Variants in ZMYM2 observed in about 807,000 individuals in gnomAD.
ZMYM2 encodes zinc finger MYM-type protein 2.
Under a neutral mutation model 162.8 loss-of-function variants are expected in ZMYM2, and 56 were observed. The ratio of observed to expected loss-of-function variants is 0.34; its 90% CI spans 0.28 to 0.43. The LOEUF (loss-of-function observed/expected upper bound fraction) is 0.43, where lower values mean the gene tolerates loss of function less well. Among genes scored for constraint, ZMYM2 ranks in the 20% least tolerant of loss-of-function variants. ZMYM2 has a pLI of 1.00. For missense variants in ZMYM2, 1,275 were observed against 1,621.8 expected, an observed-to-expected ratio of 0.79 and a Z score of 3.67; for synonymous variants, 510 against 541.6, an observed-to-expected ratio of 0.94 and a Z score of 0.81.
chr13:19,912,558 T>C, the ZMYM2 span, among the ~76,000 whole-genome samples: 1 of 152,064 alleles, frequency 6.6e-6, no homozygotes, highest in East Asian at 1.9e-4. Flanking sequence ...GGTATTGAAC[T>C]CCTGGGCTTA....
intron 3 of ZMYM2, among the ~76,000 whole-genome samples, chr13:19,998,123 A>T (rs1594264412): frequency 6.6e-6 from 1 of 152,172 alleles, no homozygotes; most frequent in East Asian, 1.9e-4. Context: ...TTTATTTGTA[A>T]TAGAGAATAA....
At chr13:20,079,194 C>G (rs1314142607) in intron 21 of ZMYM2, among the ~76,000 whole-genome samples, 1 of 151,074 alleles carries the variant, frequency 6.6e-6, no homozygotes, top group African/African-American at 2.4e-5. Context: ...TGGCACGTGC[C>G]TGTAATCTCA....
the ZMYM2 span, among the ~76,000 whole-genome samples, chr13:19,884,404 A>C: frequency 6.6e-6 from 1 of 152,126 alleles, no homozygotes; most frequent in Non-Finnish European, 1.5e-5. Flanking sequence ...TATAACCCCC[A>C]TCTATGACTA....
chr13:19,883,407 CTTAA>C, the ZMYM2 span, among the ~76,000 whole-genome samples: 1 of 152,044 alleles, frequency 6.6e-6, no homozygotes, highest in Admixed American at 6.6e-5. Flanking sequence ...TGAATTTCAC[CTTAA>C]TTTTTTTAAA....
chr13:19,880,244 C>G, the ZMYM2 span, among the ~76,000 whole-genome samples: 4 of 152,160 alleles, frequency 2.6e-5, no homozygotes, highest in African/African-American at 7.2e-5. Context: ...CCTATTGGCT[C>G]TATTTCTCTG....
At chr13:20,049,864 A>C (rs1352185453) in intron 12 of ZMYM2, among the ~76,000 whole-genome samples, 1 of 152,022 alleles carries the variant, frequency 6.6e-6, no homozygotes, top group Non-Finnish European at 1.5e-5. Context: ...TCAGTGAATA[A>C]AGTATTAAGC....
chr13:19,906,941 G>T, the ZMYM2 span, among the ~76,000 whole-genome samples: 4 of 152,004 alleles, frequency 2.6e-5, no homozygotes, highest in Non-Finnish European at 1.5e-5. Context: ...GCCCAGGCTG[G>T]TCTCAAACTC....
chr13:20,066,588 A>AT, intron 19 of ZMYM2: 1 of 330,188 alleles, frequency 3.0e-6, no homozygotes, highest in East Asian at 4.8e-5. Flanking sequence ...GATCATCCTC[A>AT]TTGTCTTCAA....
chr13:20,086,352 A>G lies in ZMYM2; in HGVS notation c.*338A>G, dbSNP rs1367207450. 2.5e-5 allele frequency: 6 copies of G among 236,470 alleles called. No homozygotes were observed. The highest frequency in any genetic ancestry group is 3.3e-5 in the Non-Finnish European group (4 of 120,078). The allele number at this position is 236,470 out of a possible 1,614,324, so 14.6% of individuals were successfully genotyped here. A position where few individuals can be genotyped will look rare whatever the true frequency, so the allele number is the denominator to read the frequency against. ...AGAAACATCCATATTGCACAACTCT[A>G]CTGTTGCAAAGCTTCCTTGGAAGGG... On this transcript the variant is annotated 3_prime_UTR_variant, in exon 25 of 25. Coordinates refer to ENST00000610343, the MANE Select transcript of ZMYM2 (RefSeq NM_197968.4).
At chr13:19,883,837 AC>A in the ZMYM2 span, among the ~76,000 whole-genome samples, 11 of 151,662 alleles carry the variant, frequency 7.3e-5, no homozygotes, top group Non-Finnish European at 1.5e-4. Context: ...CCTCACGGCA[AC>A]CCCCACCTCC....
chr13:19,997,553 T>G (rs1360436302), intron 3 of ZMYM2, among the ~76,000 whole-genome samples: 3 of 152,150 alleles, frequency 2.0e-5, no homozygotes, highest in Non-Finnish European at 4.4e-5. Flanking sequence ...GTATGAGCAT[T>G]TTTAACTTAC....
chr13:20,011,874 G>A (rs1459718439), intron 6 of ZMYM2, among the ~76,000 whole-genome samples: 1 of 151,312 alleles, frequency 6.6e-6, no homozygotes, highest in Non-Finnish European at 1.5e-5. Context: ...TCAGCCTCCC[G>A]AGTAGCTGGG....
chr13:19,887,070 A>G, the ZMYM2 span, among the ~76,000 whole-genome samples: 1 of 151,846 alleles, frequency 6.6e-6, no homozygotes, highest in Non-Finnish European at 1.5e-5. Context: ...CTAGAGGTTT[A>G]ATCATATTAC....
chr13:19,900,729 T>A, the ZMYM2 span, among the ~76,000 whole-genome samples: 1 of 151,872 alleles, frequency 6.6e-6, no homozygotes, highest in Non-Finnish European at 1.5e-5. Context: ...ATAATAATAA[T>A]AAAATCCCAA....
the ZMYM2 span, among the ~76,000 whole-genome samples, chr13:19,870,858 C>A: frequency 6.6e-6 from 1 of 151,940 alleles, no homozygotes; most frequent in African/African-American, 2.4e-5. Context: ...GACTCCCGAC[C>A]TCAGGTGATC....
intron 10 of ZMYM2, 67 bp downstream of exon 10, chr13:20,031,502 A>G (rs1216603056): frequency 4.9e-6 from 5 of 1,010,352 alleles, no homozygotes; most frequent in Non-Finnish European, 6.9e-6. Flanking sequence ...TAAGTGTTGT[A>G]TTTCCATCTG....
intron 24 of ZMYM2, 109 bp downstream of exon 24, chr13:20,083,885 TTC>T: frequency 8.6e-6 from 10 of 1,157,748 alleles, no homozygotes; most frequent in Non-Finnish European, 1.2e-5. Flanking sequence ...CTCAGATTTC[TTC>T]TCTCTCAGTT....
the ZMYM2 span, among the ~76,000 whole-genome samples, chr13:19,867,375 T>C: frequency 6.6e-6 from 1 of 151,808 alleles, no homozygotes; most frequent in East Asian, 1.9e-4. Context: ...AAGTGTTGTC[T>C]TACAATATTC....
intron 19 of ZMYM2, 54 bp downstream of exon 19, chr13:20,064,599 T>A: frequency 7.3e-7 from 1 of 1,368,934 alleles, no homozygotes; most frequent in South Asian, 1.7e-5. Flanking sequence ...CAAACAAGGA[T>A]ACAGTGTTCT....
Sources: allele counts gnomAD v4.1 joint callset (sites outside exome capture counted in the v4.1 genomes callset), GRCh38; gene constraint gnomAD v4.1.1; transcripts MANE v1.5; gene names NCBI Gene and HGNC (gene_info 2026-07-23, HGNC 2026-07-21).